The following GPBP1 variants were observed in gnomAD, a reference collection of about 807,000 sequenced individuals.
The protein encoded by GPBP1 is GC-rich promoter binding protein 1, also known as vasculin.
A neutral mutation model predicts 56.5 loss-of-function variants in GPBP1; 13 were observed. The observed-to-expected ratio is 0.23, with a 90% CI of 0.15 to 0.37. The LOEUF is 0.37. Ranked by LOEUF, GPBP1 falls within the 10% of genes least tolerant of loss-of-function variation. The probability of loss-of-function intolerance (pLI) is 1.00; values close to 1 mark genes in which losing one functional copy is unlikely to be tolerated. For synonymous variants in GPBP1, 204 were observed against 188.9 expected (o/e 1.08, Z -0.66); for missense variants, 477 against 572.3 (o/e 0.83, Z 1.70).
intron 2 of GPBP1, among the ~76,000 whole-genome samples, chr5:57,205,227 C>T (rs1755182311): frequency 1.3e-5 from 2 of 152,162 alleles, no homozygotes. Context: ...TCTGGCTTCT[C>T]TTTGTTTTTG....
chr5:57,224,032 A>G (rs1403469920), intron 3 of GPBP1, among the ~76,000 whole-genome samples: 2 of 151,454 alleles, frequency 1.3e-5, no homozygotes, highest in African/African-American at 2.4e-5. Context: ...ACGGGGTTTC[A>G]CCATGTTAGC....
chr5:57,215,615 A>G lies in GPBP1; in HGVS notation c.63+1422A>G, dbSNP rs138028375. Among the ~76,000 whole-genome samples the G allele has an allele frequency of 2.9e-4, 44 of 152,348 alleles. No homozygotes were observed. The East Asian group carries it at 8.3e-3, about 29-fold the overall frequency. Reference sequence around the variant, plus strand: ...ACGTATCTCTTTCTCAGGTTCATTCAGAACTAGCTGGCCTGTGATTCAGCT... The same window carrying G: ...ACGTATCTCTTTCTCAGGTTCATTCGGAACTAGCTGGCCTGTGATTCAGCT... On this transcript the variant is annotated intron_variant, in intron 3 of 11. Coordinates refer to ENST00000506184, the MANE Select transcript of GPBP1 (RefSeq NM_022913.4).
intron 2 of GPBP1, among the ~76,000 whole-genome samples, chr5:57,192,858 C>A (rs1017998467): frequency 6.6e-6 from 1 of 151,652 alleles, no homozygotes; most frequent in Admixed American, 6.6e-5. Flanking sequence ...ATGTTACTTA[C>A]AGTATGTATA....
chr5:57,188,476 C>T (rs1291755209), intron 2 of GPBP1, among the ~76,000 whole-genome samples: 2 of 152,106 alleles, frequency 1.3e-5, no homozygotes, highest in African/African-American at 2.4e-5. Context: ...CATGGAGGCT[C>T]ACGCCTGTAA....
At chr5:57,206,066 C>T (rs1246751505) in intron 2 of GPBP1, among the ~76,000 whole-genome samples, 1 of 152,038 alleles carries the variant, frequency 6.6e-6, no homozygotes, top group African/African-American at 2.4e-5. Flanking sequence ...GCATTTGGCC[C>T]TTTGTACATT....
At chr5:57,213,954 T>C in intron 2 of GPBP1, 120 bp from the exon 3 acceptor site, 1 of 558,652 alleles carries the variant, frequency 1.8e-6, no homozygotes, top group Non-Finnish European at 3.2e-6. Context: ...GTTTTGTCTT[T>C]TCTAGATTTT....
At chr5:57,187,704 G>C (rs1018223719) in intron 2 of GPBP1, among the ~76,000 whole-genome samples, 1 of 152,024 alleles carries the variant, frequency 6.6e-6, no homozygotes, top group African/African-American at 2.4e-5. Context: ...TGTTATTAAA[G>C]TCAAGTGAAA....
chr5:57,229,941 G>GCGTCCCGTTCCGTCC (rs1756370671), intron 3 of GPBP1, among the ~76,000 whole-genome samples: 1 of 146,078 alleles, frequency 6.8e-6, no homozygotes, highest in Admixed American at 6.9e-5. Flanking sequence ...GCATCGCATC[G>GCGTCCCGTTCCGTCC]CGTCCCGTCC....
chr5:57,206,148 A>G (rs1342157712), intron 2 of GPBP1, among the ~76,000 whole-genome samples: 1 of 152,190 alleles, frequency 6.6e-6, no homozygotes, highest in African/African-American at 2.4e-5. Context: ...AGACCTTATT[A>G]GATATGAGGT....
intron 6 of GPBP1, among the ~76,000 whole-genome samples, chr5:57,237,935 C>T (rs1482696923): frequency 6.6e-6 from 1 of 151,568 alleles, no homozygotes; most frequent in Non-Finnish European, 1.5e-5. Flanking sequence ...TTGAGAAATA[C>T]CCTGCGGGGA....
rs1036955818 is a variant in GPBP1, at chr5:57,263,074, A to G, written c.*322A>G. On this transcript the variant is annotated 3_prime_UTR_variant, in exon 12 of 12. Coordinates refer to ENST00000506184, the MANE Select transcript of GPBP1 (RefSeq NM_022913.4). ...TCATTTAATAATAAAAAATTGTGTA[A>G]TGTTTTGCAAAGCTTCTGTCTTAAA... The G allele has an allele frequency of 2.7e-5, 5 of 185,242 alleles. No homozygotes were observed. The highest frequency in any genetic ancestry group is 1.2e-4 in the Admixed American group (2 of 16,694). 11.5% of individuals were successfully genotyped at this position (185,242 alleles called of 1,614,324 possible).
At chr5:57,238,128 T>C (rs1313966769) in intron 6 of GPBP1, among the ~76,000 whole-genome samples, 1 of 152,228 alleles carries the variant, frequency 6.6e-6, no homozygotes, top group African/African-American at 2.4e-5. Flanking sequence ...ATCTCCACGC[T>C]GTTAATTTAA....
chr5:57,231,302 A>G lies in GPBP1; in HGVS notation c.392A>G (p.Gln131Arg). 1 of 1,612,708 alleles carries G rather than the reference A, an allele frequency of 6.2e-7. No individual in the cohort carries two copies. The highest frequency in any genetic ancestry group is 8.5e-7 in the Non-Finnish European group (1 of 1,179,358). Residue 131 changes from glutamine (Q) to arginine (R), a missense_variant, in exon 5 of 12, where the codon CAG becomes CGG. Gln to Arg is a conservative substitution (Grantham distance 43). Transcript: ENST00000506184. ...GRKEDKRERKQFEAEDFPSLN... is the reference protein window; with the variant it reads ...GRKEDKRERKRFEAEDFPSLN... ...AAAGAAGACAAGAGAGAACGCAAAC[A>G]GTTTGAAGCTGAGGATTTTGTAAGT...
intron 2 of GPBP1, among the ~76,000 whole-genome samples, chr5:57,187,234 A>G (rs831641): frequency 0.36 from 55,353 of 151,984 alleles, 10,762 homozygotes; most frequent in Middle Eastern, 0.44. Flanking sequence ...GTCATCTTGA[A>G]TTCGTATGTC....
At chr5:57,184,381 CT>C (rs1754195430) in intron 2 of GPBP1, among the ~76,000 whole-genome samples, 1 of 152,018 alleles carries the variant, frequency 6.6e-6, no homozygotes, top group African/African-American at 2.4e-5. Flanking sequence ...GTGTAGGAAT[CT>C]TGGTAGTGGC....
At chr5:57,175,012 A>G (rs1331818433) in intron 1 of GPBP1, among the ~76,000 whole-genome samples, 1 of 152,116 alleles carries the variant, frequency 6.6e-6, no homozygotes, top group African/African-American at 2.4e-5. Context: ...TTCTCTTTAC[A>G]CTTATCTCTG....
intron 6 of GPBP1, among the ~76,000 whole-genome samples, chr5:57,243,229 G>A (rs1295284972): frequency 6.6e-6 from 1 of 151,324 alleles, no homozygotes; most frequent in Non-Finnish European, 1.5e-5. Flanking sequence ...ACCATACCTG[G>A]CTAATTTTTG....
chr5:57,241,233 GA>G (rs763663597), intron 6 of GPBP1, among the ~76,000 whole-genome samples: 5 of 152,138 alleles, frequency 3.3e-5, no homozygotes, highest in African/African-American at 4.8e-5. Flanking sequence ...GTGAGGAATT[GA>G]AATGTCAACT....
intron 6 of GPBP1, among the ~76,000 whole-genome samples, chr5:57,244,932 T>C (rs1052335061): frequency 6.6e-6 from 1 of 152,108 alleles, no homozygotes; most frequent in African/African-American, 2.4e-5. Flanking sequence ...GAGACGGGGT[T>C]TCACCATGTT....
Sources: allele counts gnomAD v4.1 joint callset (sites outside exome capture counted in the v4.1 genomes callset), GRCh38; gene constraint gnomAD v4.1.1; transcripts MANE v1.5; gene names NCBI Gene and HGNC (gene_info 2026-07-23, HGNC 2026-07-21).